The following PCDHA3 variants were observed in gnomAD, a reference collection of about 807,000 sequenced individuals.
PCDHA3 encodes protocadherin alpha 3, also known as protocadherin alpha-3.
In PCDHA3, 41 loss-of-function variants were observed where a neutral mutation model predicts 62.2. The ratio of observed to expected loss-of-function variants is 0.66; its 90% CI spans 0.51 to 0.86. PCDHA3 has a LOEUF of 0.86. Among genes scored for constraint, PCDHA3 ranks in the 40% least tolerant of loss-of-function variants. The pLI is 0.00. For missense variants in PCDHA3, 1,304 were observed against 1,241.2 expected (o/e 1.05, Z -0.76); for synonymous variants, 640 against 555.4 (o/e 1.15, Z -2.14).
Position 140,927,344 on chromosome 5 carries a change from A to G in PCDHA3, c.2395-51605A>G, listed in dbSNP as rs144568777. 1.0e-4 allele frequency: 168 copies of G among 1,613,994 alleles called. No homozygotes were observed. Among genetic ancestry groups the G allele is most frequent in the Middle Eastern group, 8.2e-4 (5 of 6,062 alleles). On this transcript the variant is annotated intron_variant, in intron 1 of 3. Transcript: ENST00000522353. ...TTTACTCTCCCGAATGCCCAAGATGACGACGAGGGAAGCAATGGGATACTA... is the reference window on the plus strand; with the variant it reads ...TTTACTCTCCCGAATGCCCAAGATGGCGACGAGGGAAGCAATGGGATACTA...
In PCDHA3 at chr5:140,877,126, C is replaced by G. The variant is rs781947378; in HGVS notation, c.2394+73535C>G. 10 of 1,613,632 alleles carry G rather than the reference C, an allele frequency of 6.2e-6. No homozygotes were observed. The African/African-American group carries it at 1.3e-4, about 22-fold the overall frequency. On this transcript the variant is annotated intron_variant, in intron 1 of 3. Transcript: ENST00000522353. ...GCCTCTGGGCAGCAACGTGACGCTG[C>G]AGGTGTTCGTGCTGGACGAGAACGA... is the stretch of plus-strand genomic sequence containing the variant.
chr5:140,868,091 G>T (rs1355947056), intron 1 of PCDHA3: 1 of 151,974 alleles, frequency 6.6e-6, no homozygotes, highest in African/African-American at 2.4e-5. Flanking sequence ...TTTATAAAAT[G>T]ATAATAAAAT....
chr5:140,870,345 C>T (rs782253040), intron 1 of PCDHA3: 7 of 1,614,066 alleles, frequency 4.3e-6, no homozygotes, highest in South Asian at 2.2e-5. Flanking sequence ...CCCTGGACCG[C>T]GAGAACGTGT....
chr5:140,811,590 G>T (rs1482503407), intron 1 of PCDHA3: 1 of 152,170 alleles, frequency 6.6e-6, no homozygotes, highest in African/African-American at 2.4e-5. Flanking sequence ...CTTCCACAAT[G>T]GTTGAACTAG....
chr5:140,830,142 T>A, intron 1 of PCDHA3: 7 of 1,613,256 alleles, frequency 4.3e-6, no homozygotes, highest in Non-Finnish European at 5.9e-6. Context: ...CGGGCGTCGG[T>A]GGGCGCCGCG....
chr5:140,983,207 T>A (rs999147697), intron 3 of PCDHA3, among the ~76,000 whole-genome samples: 1 of 152,236 alleles, frequency 6.6e-6, no homozygotes, highest in Non-Finnish European at 1.5e-5. Flanking sequence ...TAATAGGGAC[T>A]ATTTCCTAAT....
chr5:140,823,495 G>A, intron 1 of PCDHA3: 2 of 1,613,338 alleles, frequency 1.2e-6, no homozygotes. Flanking sequence ...TGGCACCGGC[G>A]GCGCAGTGAG....
At chr5:141,000,395 CTA>C (rs1190667031) in intron 3 of PCDHA3, among the ~76,000 whole-genome samples, 91 of 53,954 alleles carry the variant, frequency 1.7e-3, no homozygotes, top group Admixed American at 3.8e-3. Flanking sequence ...CTCTCTCTCT[CTA>C]TATATATATA....
rs114410083 is a variant in PCDHA3, at chr5:140,927,323, C to T, written c.2395-51626C>T. 1,487 of 1,614,220 alleles carry T rather than the reference C, an allele frequency of 9.2e-4. 8 individuals are homozygous for T. In the African/African-American group the frequency reaches 0.018, roughly 19 times the overall value. ...TTCCTGACGCCCGGAGCCCGCTTTA[C>T]TCTCCCGAATGCCCAAGATGACGAC... On this transcript the variant is annotated intron_variant, in intron 1 of 3. Coordinates refer to ENST00000522353, the MANE Select transcript of PCDHA3 (RefSeq NM_018906.3).
intron 1 of PCDHA3, among the ~76,000 whole-genome samples, chr5:140,941,034 G>A (rs1384147296): frequency 6.6e-6 from 1 of 151,968 alleles, no homozygotes; most frequent in Non-Finnish European, 1.5e-5. Context: ...GGCCTTTTTG[G>A]TGCCAAGTCA....
At chr5:140,980,160 T>C (rs1408251279) in intron 2 of PCDHA3, among the ~76,000 whole-genome samples, 1 of 152,140 alleles carries the variant, frequency 6.6e-6, no homozygotes, top group East Asian at 1.9e-4. Context: ...TACCAGAATA[T>C]TAGGTATCAG....
intron 1 of PCDHA3, among the ~76,000 whole-genome samples, chr5:140,978,590 A>G (rs192815977): frequency 2.0e-4 from 31 of 152,334 alleles, no homozygotes; most frequent in African/African-American, 7.5e-4. Context: ...TGTTCCCTTA[A>G]TGGGGCACTT....
intron 1 of PCDHA3, chr5:140,928,181 C>T (rs782130459): frequency 2.5e-6 from 4 of 1,614,186 alleles, no homozygotes; most frequent in Non-Finnish European, 3.4e-6. Flanking sequence ...ACCCGAAGGA[C>T]AATCACTGTG....
At chr5:140,951,507 C>A (rs2094591964) in intron 1 of PCDHA3, among the ~76,000 whole-genome samples, 1 of 151,952 alleles carries the variant, frequency 6.6e-6, no homozygotes, top group African/African-American at 2.4e-5. Flanking sequence ...AAAAGGAAAG[C>A]GGCTCATCTT....
At chr5:140,987,269 G>A (rs1442679377) in intron 3 of PCDHA3, among the ~76,000 whole-genome samples, 8 of 151,806 alleles carry the variant, frequency 5.3e-5, no homozygotes, top group African/African-American at 9.7e-5. Flanking sequence ...AATGGGACCC[G>A]GCAGTCTATG....
At chr5:140,840,458 A>C (rs1178434181) in intron 1 of PCDHA3, among the ~76,000 whole-genome samples, 1 of 152,008 alleles carries the variant, frequency 6.6e-6, no homozygotes, top group Admixed American at 6.6e-5. Context: ...GTTAAATAAA[A>C]AGTTGGGGAA....
At chr5:140,967,939 C>T in intron 1 of PCDHA3, 1 of 1,614,188 alleles carries the variant, frequency 6.2e-7, no homozygotes, top group Non-Finnish European at 8.5e-7. Context: ...GTGTCAATGA[C>T]CAAGACTCAG....
At chr5:140,829,959 G>T (rs1206602805) in intron 1 of PCDHA3, 2 of 1,613,960 alleles carry the variant, frequency 1.2e-6, no homozygotes, top group Non-Finnish European at 1.7e-6. Flanking sequence ...TTCCCGTTTC[G>T]CGTGGGGCTG....
At chr5:140,821,746 T>G in intron 1 of PCDHA3, 1 of 1,569,278 alleles carries the variant, frequency 6.4e-7, no homozygotes. Context: ...GGTGATGCAA[T>G]AGAAAGCTCA....
Sources: allele counts gnomAD v4.1 joint callset (sites outside exome capture counted in the v4.1 genomes callset), GRCh38; gene constraint gnomAD v4.1.1; transcripts MANE v1.5; gene names NCBI Gene and HGNC (gene_info 2026-07-23, HGNC 2026-07-21).